PSTPIP1: variants seen among roughly 807,000 people sequenced by gnomAD.
PSTPIP1 encodes proline-serine-threonine phosphatase-interacting protein 1.
A neutral mutation model predicts 69.6 loss-of-function variants in PSTPIP1; 66 were observed. The ratio of observed to expected loss-of-function variants is 0.95; its 90% confidence interval spans 0.78 to 1.16. PSTPIP1 has a LOEUF of 1.16. PSTPIP1 is among the 50% of genes most tolerant of loss of function. The probability of loss-of-function intolerance (pLI) is 0.00; values close to 1 mark genes in which losing one functional copy is unlikely to be tolerated. For missense variants in PSTPIP1, 603 were observed against 557.4 expected (o/e 1.08, Z -0.82); for synonymous variants, 266 against 222.7 (o/e 1.19, Z -1.73).
intron 1 of PSTPIP1, among the ~76,000 whole-genome samples, chr15:77,012,301 C>A (rs1181008193): frequency 6.6e-6 from 1 of 151,226 alleles, no homozygotes; most frequent in African/African-American, 2.4e-5. Flanking sequence ...ATCTACCCAT[C>A]CATGCATCCA....
chr15:77,002,545 C>A (rs372097351), intron 1 of PSTPIP1, among the ~76,000 whole-genome samples: 1 of 152,192 alleles, frequency 6.6e-6, no homozygotes, highest in Non-Finnish European at 1.5e-5. Flanking sequence ...TCCACATGCT[C>A]GGTGCATATT....
intron 12 of PSTPIP1, among the ~76,000 whole-genome samples, chr15:77,033,475 C>G (rs2076471688): frequency 6.6e-6 from 1 of 152,206 alleles, no homozygotes; most frequent in Non-Finnish European, 1.5e-5. Context: ...TAAGGACTCT[C>G]CTGGTTCAGG....
intron 10 of PSTPIP1, 69 bp downstream of exon 10, chr15:77,031,347 T>C (rs966416965): frequency 6.6e-7 from 1 of 1,504,472 alleles, no homozygotes; most frequent in Non-Finnish European, 9.2e-7. Flanking sequence ...CCCAGGTCCA[T>C]CTGAGCCGGT....
In PSTPIP1 at chr15:77,029,575, G is replaced by A; in HGVS notation, c.562+1G>A. 1.3e-6 allele frequency: 2 copies of A among 1,577,938 alleles called. No individual in the cohort carries two copies. The highest frequency in any genetic ancestry group is 1.7e-6 in the Non-Finnish European group (2 of 1,162,880). Reference sequence around the variant, plus strand: ...TGCAAGGACTCGGCCACCGAGGCAGGTATGTGGGCCTGGCTGCCCCGTCCG... The same window carrying A: ...TGCAAGGACTCGGCCACCGAGGCAGATATGTGGGCCTGGCTGCCCCGTCCG... On this transcript the variant is annotated splice_donor_variant, in intron 8 of 14. Coordinates refer to ENST00000558012, the MANE Select transcript of PSTPIP1 (RefSeq NM_003978.5). LOFTEE classifies it high-confidence loss of function.
At chr15:77,026,136 G>C (rs189647591) in intron 5 of PSTPIP1, 2 of 456,074 alleles carry the variant, frequency 4.4e-6, no homozygotes, top group East Asian at 1.4e-4. Flanking sequence ...TCCCGAGACA[G>C]AGTGACTGCA....
intron 1 of PSTPIP1, among the ~76,000 whole-genome samples, chr15:77,005,520 A>C (rs1179797566): frequency 6.6e-6 from 1 of 152,246 alleles, no homozygotes; most frequent in Non-Finnish European, 1.5e-5. Context: ...AATTATATGT[A>C]ACATAAAATT....
At chr15:77,019,479 G>A (rs969127585) in intron 3 of PSTPIP1, among the ~76,000 whole-genome samples, 6 of 152,022 alleles carry the variant, frequency 3.9e-5, no homozygotes, top group Admixed American at 6.5e-5. Flanking sequence ...GCACCCTGGC[G>A]GCTCCTGCTT....
rs1053973036 is a variant in PSTPIP1 at position 77,027,252 on chromosome 15, T to C, written c.355-600T>C. Reference sequence around the variant, plus strand: ...AGTCGCTGTCCTGGCTGTTTTGCCTTCTCTATCAGAACAGGAAGCCTGGGA... The same window carrying C: ...AGTCGCTGTCCTGGCTGTTTTGCCTCCTCTATCAGAACAGGAAGCCTGGGA... On this transcript the variant is annotated intron_variant, in intron 5 of 14. Transcript: ENST00000558012. This position sits in a 1 kb window ranked among gnomAD's most constrained non-coding sequence, Gnocchi z 4.3. Among the ~76,000 whole-genome samples, 12 of 152,202 alleles carry C rather than the reference T, an allele frequency of 7.9e-5. No homozygotes were observed. Among genetic ancestry groups the C allele is most frequent in the African/African-American group, 2.9e-4 (12 of 41,460 alleles).
chr15:77,015,868 C>T, intron 1 of PSTPIP1: 1 of 452,932 alleles, frequency 2.2e-6, no homozygotes, highest in Non-Finnish European at 4.4e-6. Context: ...CAGCCCCTGC[C>T]AGCAGCCCAA....
chr15:77,008,598 T>C (rs2075868278), intron 1 of PSTPIP1, among the ~76,000 whole-genome samples: 1 of 152,022 alleles, frequency 6.6e-6, no homozygotes, highest in South Asian at 2.1e-4. Context: ...TTAGTAGAGA[T>C]GGGGTTTCAT....
chr15:77,032,752 C>T (rs2076451763), intron 11 of PSTPIP1, 110 bp from the exon 12 acceptor site: 1 of 913,890 alleles, frequency 1.1e-6, no homozygotes. Context: ...CCTCCTCAGG[C>T]ACCAGGATGG....
intron 12 of PSTPIP1, among the ~76,000 whole-genome samples, chr15:77,034,727 C>T (rs1400197111): frequency 6.6e-6 from 1 of 152,214 alleles, no homozygotes; most frequent in Non-Finnish European, 1.5e-5. Flanking sequence ...TCAGCCCCAC[C>T]CCACTAAGAA....
At chr15:77,013,724 A>T (rs1304215102) in intron 1 of PSTPIP1, among the ~76,000 whole-genome samples, 1 of 152,124 alleles carries the variant, frequency 6.6e-6, no homozygotes, top group African/African-American at 2.4e-5. Flanking sequence ...CACGGCCCCC[A>T]CTTGGTTCCC....
intron 12 of PSTPIP1, 88 bp from the exon 13 acceptor site, chr15:77,035,420 T>G: frequency 5.0e-6 from 7 of 1,386,174 alleles, no homozygotes; most frequent in Non-Finnish European, 7.0e-6. Context: ...CGTGCAGCTC[T>G]GAGACCTCTC....
At chr15:77,006,050 G>A (rs920353761) in intron 1 of PSTPIP1, among the ~76,000 whole-genome samples, 2 of 152,120 alleles carry the variant, frequency 1.3e-5, no homozygotes, top group African/African-American at 4.8e-5. Flanking sequence ...AACTTTTTGA[G>A]TAACCGCCAA....
chr15:77,009,407 C>A (rs1378407817), intron 1 of PSTPIP1, among the ~76,000 whole-genome samples: 1 of 152,210 alleles, frequency 6.6e-6, no homozygotes, highest in Non-Finnish European at 1.5e-5. Context: ...TACAGCAAAT[C>A]ACAGCCGCAA....
intron 1 of PSTPIP1, chr15:77,015,663 C>T (rs1484581329): frequency 9.3e-6 from 3 of 322,776 alleles, no homozygotes; most frequent in Non-Finnish European, 1.9e-5. Flanking sequence ...CTAAACACAT[C>T]CTGAGCCTGA....
chr15:77,017,310 C>T (rs1229860893), intron 1 of PSTPIP1, among the ~76,000 whole-genome samples: 4 of 152,204 alleles, frequency 2.6e-5, no homozygotes, highest in South Asian at 4.1e-4. Flanking sequence ...CAGACACACA[C>T]CTGGAATCCA....
chr15:77,000,476 T>TATATATATATAC (rs1033258180), intron 1 of PSTPIP1, among the ~76,000 whole-genome samples: 1 of 146,794 alleles, frequency 6.8e-6, no homozygotes, highest in African/African-American at 2.6e-5. Flanking sequence ...TATATATATA[T>TATATATATATAC]ACACACACAC....
Sources: gnomAD v4.1 joint callset for allele counts (sites outside exome capture counted in the v4.1 genomes callset) on GRCh38, gnomAD v4.1.1 for gene constraint, Gnocchi (gnomAD v3.1) non-coding constraint, MANE v1.5 for transcripts, NCBI Gene and HGNC (gene_info 2026-07-23, HGNC 2026-07-21) for gene names.